DCC: variants seen among roughly 807,000 people sequenced by gnomAD.
DCC encodes netrin receptor DCC.
In DCC, 58 loss-of-function variants were observed where a neutral mutation model predicts 172.5. The ratio of observed to expected loss-of-function variants is 0.34; its 90% CI spans 0.27 to 0.42. DCC has a LOEUF of 0.42. Among genes scored for constraint, DCC ranks in the 10% least tolerant of loss-of-function variants. The probability of loss-of-function intolerance (pLI) is 1.00; values close to 1 mark genes in which losing one functional copy is unlikely to be tolerated. For synonymous variants in DCC, 709 were observed against 644.5 expected, an observed-to-expected ratio of 1.10 and a Z score of -1.52; for missense variants, 1,740 against 1,791.0, an observed-to-expected ratio of 0.97 and a Z score of 0.51.
intron 1 of DCC, among the ~76,000 whole-genome samples, chr18:52,671,541 T>G (rs2035553287): frequency 6.7e-6 from 1 of 149,752 alleles, no homozygotes; most frequent in South Asian, 2.2e-4. Flanking sequence ...CCTTTTTTTT[T>G]TTTTTTTTTT....
chr18:53,090,610 C>T (rs1345090553), intron 7 of DCC, among the ~76,000 whole-genome samples: 1 of 143,226 alleles, frequency 7.0e-6, no homozygotes, highest in African/African-American at 2.6e-5. Flanking sequence ...AGGAGAATGG[C>T]ATGAACCCGG....
At chr18:52,715,904 C>G (rs1254959845) in intron 1 of DCC, among the ~76,000 whole-genome samples, 1 of 152,138 alleles carries the variant, frequency 6.6e-6, no homozygotes, top group East Asian at 1.9e-4. Context: ...TATCTGAGTT[C>G]TCCTTCTATC....
At chr18:53,067,534 A>G (rs570653669) in intron 7 of DCC, among the ~76,000 whole-genome samples, 22 of 152,152 alleles carry the variant, frequency 1.4e-4, no homozygotes, top group Non-Finnish European at 2.9e-4. Context: ...AAAACACAAC[A>G]AAACAAAAAC....
chr18:52,874,289 T>C (rs542887695), intron 2 of DCC, among the ~76,000 whole-genome samples: 12 of 152,332 alleles, frequency 7.9e-5, no homozygotes, highest in African/African-American at 2.9e-4. Flanking sequence ...ACTGTCTTTA[T>C]GGCTTAAAAA....
intron 1 of DCC, among the ~76,000 whole-genome samples, chr18:52,597,258 C>T (rs540243333): frequency 1.3e-5 from 2 of 152,308 alleles, no homozygotes; most frequent in Admixed American, 6.5e-5. Context: ...AGAACTGGAT[C>T]TGACCCTTTT....
chr18:53,255,999 A>C lies in DCC; in HGVS notation c.1911+40402A>C, dbSNP rs369778496. ...CATTTTTTCATGTGTCTTTTGGCTG[A>C]ATAAATGTCTTCTTTTGAGAAGTGT... On this transcript the variant is annotated intron_variant, in intron 12 of 28. Coordinates refer to ENST00000442544, the MANE Select transcript of DCC (RefSeq NM_005215.4). Among the ~76,000 whole-genome samples the C allele has an allele frequency of 2.3e-4, 35 of 152,220 alleles. 1 individual carries two copies. The East Asian group carries it at 5.6e-3, about 24-fold the overall frequency.
chr18:52,512,276 T>C (rs2031469765), intron 1 of DCC, among the ~76,000 whole-genome samples: 1 of 152,156 alleles, frequency 6.6e-6, no homozygotes, highest in Non-Finnish European at 1.5e-5. Flanking sequence ...CATCTACATT[T>C]CCTCCTTAGC....
chr18:52,690,002 T>A (rs8088051), intron 1 of DCC, among the ~76,000 whole-genome samples: 65,746 of 151,954 alleles, frequency 0.43, 14,693 homozygotes, highest in Non-Finnish European at 0.5. Flanking sequence ...AAGATAAATG[T>A]GACATATTCA....
intron 13 of DCC, among the ~76,000 whole-genome samples, chr18:53,317,504 T>C (rs945523322): frequency 6.6e-6 from 1 of 152,190 alleles, no homozygotes; most frequent in Non-Finnish European, 1.5e-5. Context: ...TAAAATGAGT[T>C]AGAGAGGAGT....
At chr18:52,486,688 C>A (rs1388703779) in intron 1 of DCC, among the ~76,000 whole-genome samples, 1 of 152,066 alleles carries the variant, frequency 6.6e-6, no homozygotes, top group Non-Finnish European at 1.5e-5. Flanking sequence ...AGAATACGAA[C>A]CACAAATCTG....
chr18:53,083,257 T>C (rs146720740), intron 7 of DCC, among the ~76,000 whole-genome samples: 28 of 152,242 alleles, frequency 1.8e-4, no homozygotes, highest in Non-Finnish European at 3.7e-4. Flanking sequence ...ACATAGAAGA[T>C]TCTATATATT....
chr18:53,205,519 T>C (rs1196496795), intron 10 of DCC, among the ~76,000 whole-genome samples, 155 bp downstream of exon 10: 1 of 152,184 alleles, frequency 6.6e-6, no homozygotes, highest in Non-Finnish European at 1.5e-5. Context: ...TTAAAGCACT[T>C]GTTATTGGAA....
At chr18:52,472,584 C>T (rs557102907) in intron 1 of DCC, among the ~76,000 whole-genome samples, 2 of 152,294 alleles carry the variant, frequency 1.3e-5, no homozygotes, top group African/African-American at 4.8e-5. Context: ...TATATGTTCT[C>T]TCTCTGTTAA....
chr18:53,026,678 C>A (rs1385929546), intron 5 of DCC, among the ~76,000 whole-genome samples: 1 of 152,074 alleles, frequency 6.6e-6, no homozygotes, highest in Non-Finnish European at 1.5e-5. Flanking sequence ...TCCTTTGCCT[C>A]CCAAGTAGCT....
intron 1 of DCC, among the ~76,000 whole-genome samples, chr18:52,439,125 G>GA (rs1197717931): frequency 6.7e-6 from 1 of 150,324 alleles, no homozygotes; most frequent in Non-Finnish European, 1.5e-5. Flanking sequence ...AGTGCAGCAG[G>GA]AAAAAAGCAT....
intron 24 of DCC, among the ~76,000 whole-genome samples, chr18:53,462,608 A>G (rs987601187): frequency 6.6e-6 from 1 of 152,050 alleles, no homozygotes; most frequent in African/African-American, 2.4e-5. Context: ...CAATAAAGGT[A>G]ATATACTTGA....
At chr18:53,207,551 T>C (rs2055672731) in intron 10 of DCC, 128 bp from the exon 11 acceptor site, 1 of 882,922 alleles carries the variant, frequency 1.1e-6, no homozygotes, top group Non-Finnish European at 1.8e-6. Context: ...GTAGGTTTTA[T>C]AGCTCATTAG....
intron 22 of DCC, among the ~76,000 whole-genome samples, chr18:53,442,792 C>A (rs1912352488): frequency 6.6e-6 from 1 of 152,152 alleles, no homozygotes; most frequent in Non-Finnish European, 1.5e-5. Flanking sequence ...GATAAGAAAG[C>A]AAAACAGCCT....
At chr18:52,772,191 TG>T (rs1169795965) in intron 2 of DCC, among the ~76,000 whole-genome samples, 1 of 152,226 alleles carries the variant, frequency 6.6e-6, no homozygotes, top group African/African-American at 2.4e-5. Flanking sequence ...ATGGCGATTT[TG>T]TCAATTTATG....
Sources: gnomAD v4.1 joint callset for allele counts (sites outside exome capture counted in the v4.1 genomes callset) on GRCh38, gnomAD v4.1.1 for gene constraint, MANE v1.5 for transcripts, NCBI Gene and HGNC (gene_info 2026-07-23, HGNC 2026-07-21) for gene names.